The following POGLUT2 variants were observed in gnomAD, a reference collection of about 807,000 sequenced individuals.
The protein encoded by POGLUT2 is protein O-glucosyltransferase 2, also known as ER protein 58.
POGLUT2 carries 47 observed loss-of-function variants against 57.6 expected under a neutral mutation model. That is an observed-to-expected ratio of 0.82 (90% CI 0.65 to 1.04). The LOEUF is 1.04. Among genes scored for constraint, POGLUT2 ranks in the 50% least tolerant of loss-of-function variants. The probability of loss-of-function intolerance (pLI) is 0.00; values close to 1 mark genes in which losing one functional copy is unlikely to be tolerated. For missense variants in POGLUT2, 565 were observed against 614.8 expected (o/e 0.92, Z 0.86); for synonymous variants, 200 against 218.8 (o/e 0.91, Z 0.76).
intron 1 of POGLUT2, among the ~76,000 whole-genome samples, chr13:102,797,282 G>A (rs1256018345): frequency 3.9e-5 from 6 of 152,106 alleles, no homozygotes; most frequent in Non-Finnish European, 7.3e-5. Flanking sequence ...TATAAGCACA[G>A]AACATACTCA....
chr13:102,794,358 A>G (rs1418531709), intron 2 of POGLUT2, among the ~76,000 whole-genome samples: 4 of 152,032 alleles, frequency 2.6e-5, no homozygotes, highest in African/African-American at 9.7e-5. Context: ...ACTTTGCATG[A>G]GTTCAAAAGA....
intron 3 of POGLUT2, 49 bp from the exon 4 acceptor site, chr13:102,793,467 A>T: frequency 7.4e-7 from 1 of 1,354,364 alleles, no homozygotes; most frequent in Non-Finnish European, 1.1e-6. Context: ...ACGCTGGCAG[A>T]CTTCACTGAG....
At chr13:102,790,669 C>T (rs955970687) in intron 6 of POGLUT2, among the ~76,000 whole-genome samples, 20 of 152,242 alleles carry the variant, frequency 1.3e-4, no homozygotes, top group African/African-American at 3.6e-4. Flanking sequence ...AAAATTATAG[C>T]TCTATCCAGG....
intron 2 of POGLUT2, among the ~76,000 whole-genome samples, chr13:102,794,099 C>T (rs928075386): frequency 3.3e-5 from 5 of 151,802 alleles, no homozygotes; most frequent in African/African-American, 1.2e-4. Flanking sequence ...TAGCTGGGTG[C>T]GTTGGCATGC....
intron 1 of POGLUT2, 136 bp downstream of exon 1, chr13:102,798,353 C>A (rs1878522106): frequency 1.4e-6 from 1 of 708,892 alleles, no homozygotes; most frequent in South Asian, 2.2e-5. Context: ...TCTACAGCTA[C>A]AGAGAAAAAT....
intron 1 of POGLUT2, 42 bp from the exon 2 acceptor site, chr13:102,797,051 G>C (rs150203630): frequency 5.0e-5 from 69 of 1,368,918 alleles, no homozygotes; most frequent in Non-Finnish European, 1.5e-5. Flanking sequence ...AGATTTTAAC[G>C]AACAAACACA....
chr13:102,789,362 T>A (rs1878082867), intron 6 of POGLUT2, 141 bp from the exon 7 acceptor site: 3 of 647,646 alleles, frequency 4.6e-6, no homozygotes, highest in Non-Finnish European at 8.0e-6. Context: ...TGCCGTTTAG[T>A]AAGTGTTATT....
At position 102,784,490 on chromosome 13, in the gene POGLUT2, G is replaced by T. The variant is rs770139705; in HGVS notation, c.*5C>A. 2.6e-6 allele frequency: 4 copies of T among 1,535,034 alleles called. No homozygotes were observed. Among genetic ancestry groups the T allele is most frequent in the Non-Finnish European group, 3.6e-6 (4 of 1,115,380 alleles). On this transcript the variant is annotated 3_prime_UTR_variant, in exon 10 of 10. Transcript: ENST00000376004. ...CCATTATTCTAATAGAAGTTATTTT[G>T]CATATCAGAGTTCATCTTTGGTCTG...
chr13:102,793,565 C>T, intron 3 of POGLUT2, 36 bp downstream of exon 3: 3 of 1,561,888 alleles, frequency 1.9e-6, no homozygotes, highest in Non-Finnish European at 2.6e-6. Flanking sequence ...GAAAAAAAAT[C>T]ACTAAAACAA....
chr13:102,785,316 CTT>C (rs1877896487), intron 9 of POGLUT2, among the ~76,000 whole-genome samples: 1 of 152,130 alleles, frequency 6.6e-6, no homozygotes, highest in East Asian at 1.9e-4. Context: ...ACCTTAATTC[CTT>C]TTACACCTCC....
At chr13:102,792,672 T>C (rs9514057) in intron 4 of POGLUT2, among the ~76,000 whole-genome samples, 96,690 of 151,900 alleles carry the variant, frequency 0.64, 33,999 homozygotes, top group Non-Finnish European at 0.79. Context: ...GAGGCAGAGA[T>C]GGGAGGATGC....
rs1878069806 is a variant in POGLUT2 at position 102,789,121 on chromosome 13, T to C, written c.1184A>G (p.Tyr395Cys). The C allele has an allele frequency of 3.7e-6, 6 of 1,614,098 alleles. No homozygotes were observed. The highest frequency in any genetic ancestry group is 5.1e-6 in the Non-Finnish European group (6 of 1,179,966). ...SVVLKQDSIY[Y>C]EHFYNELQPW... Reference sequence around the variant, plus strand: ...CTGCAGCTCATTGTAAAAATGTTCATAGTAGATGGAATCCTGCTTCAGCAC... The same window carrying C: ...CTGCAGCTCATTGTAAAAATGTTCACAGTAGATGGAATCCTGCTTCAGCAC... Residue 395 changes from tyrosine (Y) to cysteine (C), a missense_variant, in exon 7 of 10, where the codon TAT becomes TGT. Physicochemically the swap from Tyr to Cys is radical, Grantham distance 194. Coordinates refer to ENST00000376004, the MANE Select transcript of POGLUT2 (RefSeq NM_024089.3).
chr13:102,785,457 CACACACA>C lies in POGLUT2; in HGVS notation c.1491+768_1491+774del, dbSNP rs1428414140. ...ATGTTAAGTCAGCATATGTTACACA[CACACACA>C]CACACACACACACACACACACACAC... On this transcript the variant is annotated intron_variant, in intron 9 of 9. Transcript: ENST00000376004. Among the ~76,000 whole-genome samples the C allele has an allele frequency of 3.4e-4, 7 of 20,460 alleles. No homozygotes were observed. In the Non-Finnish European group the frequency reaches 0.01, roughly 29 times the overall value. The allele number at this position is 20,460 out of a possible 152,430, so 13.4% of individuals were successfully genotyped here. A position where few individuals can be genotyped will look rare whatever the true frequency, so the allele number is the denominator to read the frequency against.
chr13:102,796,301 A>C lies in POGLUT2; in HGVS notation c.388+503T>G, dbSNP rs1362867466. Reference sequence around the variant, plus strand: ...AGAGCGAGACTCTGCCTCAAAAAAAAAAAAAAAAAAATAAATAAATAAATA... The same window carrying C: ...AGAGCGAGACTCTGCCTCAAAAAAACAAAAAAAAAAATAAATAAATAAATA... On this transcript the variant is annotated intron_variant, in intron 2 of 9. Coordinates refer to ENST00000376004, the MANE Select transcript of POGLUT2 (RefSeq NM_024089.3). 1.3e-3 allele frequency among the ~76,000 whole-genome samples: 185 copies of C among 140,158 alleles called. 1 individual carries two copies. Among genetic ancestry groups the C allele is most frequent in the African/African-American group, 5.0e-3 (179 of 35,728 alleles). The allele number at this position is 140,158 out of a possible 152,430, so 91.9% of individuals were successfully genotyped here. A position where few individuals can be genotyped will look rare whatever the true frequency, so the allele number is the denominator to read the frequency against.
rs570893101 is a variant in POGLUT2, at chr13:102,788,073, A to G, written c.1294-150T>C. Reference sequence around the variant, plus strand: ...GTCTCATGGTAAAACAGAACATTTAACAGAGTATGTTTGTTTAAATCAGAG... The same window carrying G: ...GTCTCATGGTAAAACAGAACATTTAGCAGAGTATGTTTGTTTAAATCAGAG... On this transcript the variant is annotated intron_variant, in intron 7 of 9. Transcript: ENST00000376004. The G allele has an allele frequency of 2.1e-4, 109 of 510,370 alleles. 2 individuals are homozygous for G. The South Asian group carries it at 3.6e-3, about 17-fold the overall frequency. 31.6% of individuals were successfully genotyped at this position (510,370 alleles called of 1,614,324 possible). A position where few individuals can be genotyped will look rare whatever the true frequency, so the allele number is the denominator to read the frequency against.
In POGLUT2 at chr13:102,796,891, A is replaced by T. The variant is rs1878418349; in HGVS notation, c.301T>A (p.Tyr101Asn). 5 of 1,611,478 alleles carry T rather than the reference A, an allele frequency of 3.1e-6. No homozygotes were observed. Among genetic ancestry groups the T allele is most frequent in the Non-Finnish European group, 4.2e-6 (5 of 1,177,734 alleles). Reference protein sequence around the residue: ...DRKDGSFIVRYRMYASYKNLK... With the variant: ...DRKDGSFIVRNRMYASYKNLK... ...TTTTTGTAGCTTGCATACATTCTGT[A>T]TCTTACTATGAAGGACCCATCTTTT... The change falls in exon 2 of 10, where the codon TAC (tyrosine) becomes AAC (asparagine). Residue 101 changes from tyrosine (Y) to asparagine (N), a missense_variant. Coordinates refer to ENST00000376004, the MANE Select transcript of POGLUT2 (RefSeq NM_024089.3).
At chr13:102,791,880 T>A (rs987364065) in intron 4 of POGLUT2, 1 of 757,624 alleles carries the variant, frequency 1.3e-6, no homozygotes, top group African/African-American at 1.8e-5. Context: ...TTCCTTCCTC[T>A]ACTGGCAAAT....
chr13:102,785,990 A>G (rs764496739), intron 9 of POGLUT2, among the ~76,000 whole-genome samples: 38 of 152,188 alleles, frequency 2.5e-4, no homozygotes, highest in Non-Finnish European at 4.6e-4. Context: ...TTCTCACATT[A>G]TAAAAGACTT....
intron 6 of POGLUT2, 145 bp from the exon 7 acceptor site, chr13:102,789,366 T>G (rs751649902): frequency 2.3e-5 from 15 of 646,130 alleles, no homozygotes; most frequent in Non-Finnish European, 3.5e-5. Flanking sequence ...GTTTAGTAAG[T>G]GTTATTAAAC....
Sources: gnomAD v4.1 joint callset for allele counts (sites outside exome capture counted in the v4.1 genomes callset) on GRCh38, gnomAD v4.1.1 for gene constraint, MANE v1.5 for transcripts, NCBI Gene and HGNC (gene_info 2026-07-23, HGNC 2026-07-21) for gene names.